HSF2: variants seen among roughly 807,000 people sequenced by gnomAD.
The protein encoded by HSF2 is heat shock factor protein 2.
HSF2 carries 21 observed loss-of-function variants against 65.0 expected under a neutral mutation model. That is an observed-to-expected ratio of 0.32 (90% CI 0.23 to 0.47). The LOEUF is 0.47. Ranked by LOEUF, HSF2 falls within the 20% of genes least tolerant of loss-of-function variation. The pLI is 1.00. For missense variants in HSF2, 499 were observed against 628.1 expected, an observed-to-expected ratio of 0.79 and a Z score of 2.20; for synonymous variants, 225 against 219.1, an observed-to-expected ratio of 1.03 and a Z score of -0.24.
intron 1 of HSF2, 127 bp from the exon 2 acceptor site, chr6:122,412,245 GA>G: frequency 1.7e-6 from 1 of 597,396 alleles, no homozygotes; most frequent in Admixed American, 2.9e-5. Context: ...GTCAAGAATA[GA>G]ATGTTGGTCT....
rs938846879 is a variant in HSF2 at position 122,404,035 on chromosome 6, T to G, written c.93+4205T>G. ...TCATCCTTTTGTCAGTGTTGTTACC[T>G]TTGTCTCTGTTCTTCAGATTGTTTG... On this transcript the variant is annotated intron_variant, in intron 1 of 12. Coordinates refer to ENST00000368455, the MANE Select transcript of HSF2 (RefSeq NM_004506.4). 2.6e-5 allele frequency among the ~76,000 whole-genome samples: 4 copies of G among 152,334 alleles called. No individual in the cohort carries two copies. In the East Asian group the frequency reaches 7.7e-4, roughly 29 times the overall value.
intron 1 of HSF2, among the ~76,000 whole-genome samples, chr6:122,407,562 C>A (rs754498705): frequency 4.1e-5 from 6 of 147,298 alleles, no homozygotes; most frequent in Non-Finnish European, 8.9e-5. Flanking sequence ...GTTTCCTGTT[C>A]TGTGAAATGT....
At chr6:122,413,483 T>C in intron 3 of HSF2, 42 bp from the exon 4 acceptor site, 1 of 1,430,636 alleles carries the variant, frequency 7.0e-7, no homozygotes, top group South Asian at 1.2e-5. Flanking sequence ...CAATCATGGG[T>C]GTTTACTGTT....
At chr6:122,402,701 C>T (rs918091585) in intron 1 of HSF2, among the ~76,000 whole-genome samples, 1 of 152,004 alleles carries the variant, frequency 6.6e-6, no homozygotes, top group Non-Finnish European at 1.5e-5. Flanking sequence ...TACAGATGCG[C>T]ACCACCATGC....
intron 3 of HSF2, 99 bp downstream of exon 3, chr6:122,412,863 G>C (rs2114433129): frequency 9.2e-7 from 1 of 1,086,994 alleles, no homozygotes. Context: ...ATGCACAACT[G>C]TTCCTTGTTG....
At chr6:122,417,031 G>A (rs1209368843) in intron 5 of HSF2, among the ~76,000 whole-genome samples, 1 of 152,170 alleles carries the variant, frequency 6.6e-6, no homozygotes, top group Admixed American at 6.5e-5. Flanking sequence ...CTGCTTAGAA[G>A]GCCCTTGAAC....
chr6:122,413,349 C>T (rs1330742198), intron 3 of HSF2, among the ~76,000 whole-genome samples, 176 bp from the exon 4 acceptor site: 2 of 151,856 alleles, frequency 1.3e-5, no homozygotes, highest in African/African-American at 2.4e-5. Flanking sequence ...TTATTCCTTG[C>T]GTTCTCTCCC....
chr6:122,414,530 G>C (rs576260806), intron 4 of HSF2, among the ~76,000 whole-genome samples: 1 of 152,172 alleles, frequency 6.6e-6, no homozygotes, highest in South Asian at 2.1e-4. Flanking sequence ...GCTGCTCTTT[G>C]ACCCAGTTCC....
rs751562120 is a variant in HSF2 at position 122,420,127 on chromosome 6, G to A, written c.594-8G>A. ...CTTCACTGAACTGCATATTCTTCTG[G>A]TTTTCAGGCCTCTACTTCTAAACAC... On this transcript the variant is annotated splice_region_variant and splice_polypyrimidine_tract_variant and intron_variant, in intron 6 of 12. Coordinates refer to ENST00000368455, the MANE Select transcript of HSF2 (RefSeq NM_004506.4). 5.6e-6 allele frequency: 9 copies of A among 1,598,502 alleles called. No homozygotes were observed. Among genetic ancestry groups the A allele is most frequent in the Non-Finnish European group, 7.7e-6 (9 of 1,174,556 alleles).
In HSF2 at chr6:122,419,168, A is replaced by G; in HGVS notation, c.532A>G (p.Ile178Val). ...TAATTTTTGTTTATATTTTTTTCAG[A>G]TTGTCCAGTTTATTGTTACATTGGT... is the stretch of plus-strand genomic sequence containing the variant. The part of the protein sequence containing the change: ...HAQQQQVIRK[I>V]VQFIVTLVQN... The change falls in exon 6 of 13, where the codon ATT becomes GTT. Residue 178 changes from isoleucine (I) to valine (V), a missense_variant and splice_region_variant. By Grantham distance (29) the Ile-to-Val change is conservative (BLOSUM62 3). This residue lies in a region of HSF2 where 150 missense variants were observed against 234.6 expected (regional missense o/e 0.64). Coordinates refer to ENST00000368455, the MANE Select transcript of HSF2 (RefSeq NM_004506.4). 2 of 1,422,296 alleles carry G rather than the reference A, an allele frequency of 1.4e-6. No individual in the cohort carries two copies. Among genetic ancestry groups the G allele is most frequent in the Non-Finnish European group, 2.0e-6 (2 of 1,014,102 alleles). The allele number at this position is 1,422,296 out of a possible 1,614,324, so 88.1% of individuals were successfully genotyped here.
chr6:122,416,417 C>A, intron 5 of HSF2, 121 bp downstream of exon 5: 4 of 534,324 alleles, frequency 7.5e-6, no homozygotes, highest in South Asian at 3.3e-5. Context: ...ATTGGATGCA[C>A]AGATAGAAGT....
chr6:122,399,617 C>A, upstream of HSF2: 1 of 732,800 alleles, frequency 1.4e-6, no homozygotes, highest in Non-Finnish European at 2.2e-6. Context: ...GTTGGGGGGG[C>A]GGGGACCAAG....
intron 1 of HSF2, among the ~76,000 whole-genome samples, chr6:122,400,930 C>T (rs908365322): frequency 1.3e-5 from 2 of 152,192 alleles, no homozygotes; most frequent in Admixed American, 6.5e-5. Context: ...CTCCCGTCCT[C>T]CTTTCTTTCC....
chr6:122,424,311 C>T (rs903073512), intron 10 of HSF2, among the ~76,000 whole-genome samples: 5 of 151,880 alleles, frequency 3.3e-5, no homozygotes, highest in African/African-American at 7.3e-5. Flanking sequence ...CTAAAGCTTC[C>T]TACGTGGTCT....
In HSF2 at chr6:122,412,435, T is replaced by C. The variant is rs756328128; in HGVS notation, c.156T>C (p.Tyr52=). 35 of 1,612,854 alleles carry C rather than the reference T, an allele frequency of 2.2e-5. No homozygotes were observed. The highest frequency in any genetic ancestry group is 1.1e-4 in the South Asian group (10 of 91,034). ...TTGCAAAAGAAATTCTTCCCAAATATTTCAAGCACAATAATATGGCAAGCT... is the reference window on the plus strand; with the variant it reads ...TTGCAAAAGAAATTCTTCCCAAATACTTCAAGCACAATAATATGGCAAGCT... ...QRFAKEILPK[Y]FKHNNMASFV... is the part of the protein sequence containing the mutation. Residue 52 remains tyrosine (Y), a synonymous_variant, in exon 2 of 13, where the codon TAT becomes TAC. Coordinates refer to ENST00000368455, the MANE Select transcript of HSF2 (RefSeq NM_004506.4).
chr6:122,401,434 T>C (rs982505453), intron 1 of HSF2, among the ~76,000 whole-genome samples: 1 of 152,200 alleles, frequency 6.6e-6, no homozygotes, highest in African/African-American at 2.4e-5. Context: ...AAATAGGGGC[T>C]ATATATATTG....
chr6:122,413,729 A>T (rs1444163975), intron 4 of HSF2, 80 bp downstream of exon 4: 1 of 1,208,882 alleles, frequency 8.3e-7, no homozygotes, highest in Non-Finnish European at 1.2e-6. Context: ...AGGTTGTCTG[A>T]TGTTTTATTG....
At chr6:122,427,765 C>T (rs531157968) in intron 10 of HSF2, 138 bp from the exon 11 acceptor site, 23 of 447,972 alleles carry the variant, frequency 5.1e-5, no homozygotes, top group African/African-American at 4.5e-4. Flanking sequence ...TTTTCTCTTT[C>T]AAACTTGTTT....
intron 10 of HSF2, among the ~76,000 whole-genome samples, chr6:122,424,734 CAG>C (rs1319776907): frequency 6.6e-6 from 1 of 152,044 alleles, no homozygotes; most frequent in African/African-American, 2.4e-5. Flanking sequence ...GGTAACCTGA[CAG>C]TGTTTTTTGA....
Sources: allele counts gnomAD v4.1 joint callset (sites outside exome capture counted in the v4.1 genomes callset), GRCh38; gene constraint gnomAD v4.1.1; regional missense constraint gnomAD v4.1.1; transcripts MANE v1.5; gene names NCBI Gene and HGNC (gene_info 2026-07-23, HGNC 2026-07-21).